The following PAGE2B variants were observed in gnomAD, a reference collection of about 807,000 sequenced individuals.
PAGE2B encodes PAGE family member 2B.
Under a neutral mutation model 7.6 loss-of-function variants are expected in PAGE2B, and 5 were observed. The observed-to-expected ratio is 0.66, with a 90% CI of 0.34 to 1.38. PAGE2B has a LOEUF of 1.38. PAGE2B is among the 40% of genes most tolerant of loss of function. The probability of loss-of-function intolerance (pLI) is 0.04; values close to 1 mark genes in which losing one functional copy is unlikely to be tolerated. For synonymous variants in PAGE2B, 29 were observed against 26.7 expected, an observed-to-expected ratio of 1.09 and a Z score of -0.27; for missense variants, 70 against 78.4, an observed-to-expected ratio of 0.89 and a Z score of 0.41.
chrX:55,062,500 A>C, the PAGE2B span, among the ~76,000 whole-genome samples: 1 of 111,708 alleles, frequency 9.0e-6, no homozygotes, highest in African/African-American at 3.2e-5. Flanking sequence ...CTGATTATTA[A>C]TTCCTTGTCA....
chrX:55,064,423 T>C, the PAGE2B span, among the ~76,000 whole-genome samples: 1 of 111,803 alleles, frequency 8.9e-6, no homozygotes, highest in African/African-American at 3.2e-5. Context: ...CTGATTTTAC[T>C]TATTTGGGTC....
upstream of PAGE2B, among the ~76,000 whole-genome samples, chrX:55,071,338 C>G (rs182066780): frequency 2.7e-5 from 3 of 111,145 alleles, no homozygotes; most frequent in Non-Finnish European, 5.7e-5. Context: ...GAAATTCTGG[C>G]TTGAAAATTC....
At chrX:55,041,731 G>C in the PAGE2B span, among the ~76,000 whole-genome samples, 1 of 111,520 alleles carries the variant, frequency 9.0e-6, no homozygotes, top group Non-Finnish European at 1.9e-5. Context: ...AGCCACAGTA[G>C]GGGTAGGCTG....
At chrX:55,042,653 C>CAAAAAAAAA in the PAGE2B span, among the ~76,000 whole-genome samples, 8 of 11,862 alleles carry the variant, frequency 6.7e-4, 2 homozygotes, top group Non-Finnish European at 9.9e-4. Context: ...GACTCCGTCT[C>CAAAAAAAAA]AAAAAAAAAA....
At chrX:55,052,677 G>T in the PAGE2B span, among the ~76,000 whole-genome samples, 4 of 112,826 alleles carry the variant, frequency 3.5e-5, no homozygotes, top group Non-Finnish European at 7.5e-5. Flanking sequence ...ATTAGGGTGG[G>T]AGTGACCCGA....
chrX:55,046,627 C>T, the PAGE2B span, among the ~76,000 whole-genome samples: 2 of 112,180 alleles, frequency 1.8e-5, no homozygotes, highest in Non-Finnish European at 3.8e-5. Flanking sequence ...ACAGGTAAGA[C>T]ACAGGACATA....
At chrX:55,065,433 C>A in the PAGE2B span, among the ~76,000 whole-genome samples, 1 of 111,517 alleles carries the variant, frequency 9.0e-6, no homozygotes, top group Non-Finnish European at 1.9e-5. Flanking sequence ...TTTCACTTTA[C>A]GTGTGTCTTT....
chrX:55,051,993 G>A, the PAGE2B span, among the ~76,000 whole-genome samples: 1 of 111,642 alleles, frequency 9.0e-6, no homozygotes, highest in Admixed American at 9.5e-5. Context: ...TTTTGGTGTG[G>A]ATGTCCTTTC....
chrX:55,069,329 G>A, the PAGE2B span, among the ~76,000 whole-genome samples: 1 of 111,703 alleles, frequency 9.0e-6, no homozygotes, highest in African/African-American at 3.3e-5. Context: ...CTGTTTATGT[G>A]ATGGATTACG....
chrX:55,077,144 C>A (rs1219734389), intron 3 of PAGE2B, among the ~76,000 whole-genome samples: 1 of 111,925 alleles, frequency 8.9e-6, no homozygotes, highest in Admixed American at 9.5e-5. Flanking sequence ...TTGACTCAAA[C>A]AAATCGCTGA....
the PAGE2B span, among the ~76,000 whole-genome samples, chrX:55,051,642 T>C: frequency 8.9e-6 from 1 of 112,453 alleles, no homozygotes; most frequent in Non-Finnish European, 1.9e-5. Context: ...GTTCTCATGC[T>C]GTGGTTTTCA....
At chrX:55,051,551 C>G in the PAGE2B span, among the ~76,000 whole-genome samples, 13 of 111,603 alleles carry the variant, frequency 1.2e-4, no homozygotes, top group African/African-American at 4.2e-4. Context: ...CGCTTCATTT[C>G]ATTCATTTTA....
the PAGE2B span, among the ~76,000 whole-genome samples, chrX:55,039,305 G>A: frequency 3.6e-5 from 4 of 111,065 alleles, no homozygotes; most frequent in East Asian, 2.8e-4. Flanking sequence ...TCACAGTAGC[G>A]ATGAAGATGG....
At chrX:55,057,199 G>A in the PAGE2B span, among the ~76,000 whole-genome samples, 2 of 110,827 alleles carry the variant, frequency 1.8e-5, no homozygotes, top group African/African-American at 3.3e-5. Context: ...TTCCTCCCCC[G>A]TTTTGTGTTT....
chrX:55,051,409 A>G, the PAGE2B span, among the ~76,000 whole-genome samples: 4 of 111,876 alleles, frequency 3.6e-5, no homozygotes, highest in African/African-American at 1.3e-4. Context: ...AGTGTTTTCC[A>G]AGTTGGTTCC....
chrX:55,036,509 A>C, the PAGE2B span, among the ~76,000 whole-genome samples: 1 of 111,338 alleles, frequency 9.0e-6, no homozygotes, highest in Admixed American at 9.6e-5. Context: ...TTTTAGCATG[A>C]AGGGTTGTTG....
chrX:55,043,559 T>C, the PAGE2B span, among the ~76,000 whole-genome samples: 2 of 111,120 alleles, frequency 1.8e-5, no homozygotes, highest in African/African-American at 6.5e-5. Context: ...GATATATAAA[T>C]GGCCAACAAA....
chrX:55,075,114 G>C lies in PAGE2B; in HGVS notation c.-9G>C, dbSNP rs776183821. ...CTTTGTCACTGACCGAGACTCAGCC[G>C]GTAGGTCCGCAGAGCGGTCTTCCTG... On this transcript the variant is annotated splice_region_variant and 5_prime_UTR_variant, in exon 1 of 5. Coordinates refer to ENST00000374971, the MANE Select transcript of PAGE2B (RefSeq NM_001015038.3). 1 of 115,619 alleles carries C rather than the reference G, an allele frequency of 8.6e-6. No individual in the cohort carries two copies. The highest frequency in any genetic ancestry group is 1.8e-5 in the Non-Finnish European group (1 of 54,969). 9.5% of individuals were successfully genotyped at this position (115,619 alleles called of 1,213,427 possible). A position where few individuals can be genotyped will look rare whatever the true frequency, so the allele number is the denominator to read the frequency against.
chrX:55,041,811 G>T, the PAGE2B span, among the ~76,000 whole-genome samples: 1 of 111,700 alleles, frequency 9.0e-6, no homozygotes, highest in Admixed American at 9.5e-5. Flanking sequence ...CCCATCACGG[G>T]TTTCAATCTT....
Sources: allele counts gnomAD v4.1 joint callset (sites outside exome capture counted in the v4.1 genomes callset), GRCh38; gene constraint gnomAD v4.1.1; transcripts MANE v1.5; gene names NCBI Gene and HGNC (gene_info 2026-07-23, HGNC 2026-07-21).